NUP210L: variants seen among roughly 807,000 people sequenced by gnomAD.
NUP210L encodes nucleoporin 210 like, also known as nuclear pore membrane glycoprotein 210-like.
Under a neutral mutation model 208.5 loss-of-function variants are expected in NUP210L, and 74 were observed. That is an observed-to-expected ratio of 0.35 (90% CI 0.29 to 0.43). The LOEUF (loss-of-function observed/expected upper bound fraction) is 0.43, where lower values mean the gene tolerates loss of function less well. Ranked by LOEUF, NUP210L falls within the 20% of genes least tolerant of loss-of-function variation. NUP210L has a pLI of 1.00. For synonymous variants in NUP210L, 780 were observed against 816.9 expected (o/e 0.95, Z 0.77); for missense variants, 1,843 against 2,289.4 (o/e 0.81, Z 3.98).
rs370385865 is a variant in NUP210L, at chr1:154,000,907, T to G, written c.5335A>C (p.Ser1779Arg). Residue 1779 changes from serine to arginine, a missense_variant, in exon 37 of 40, where the codon AGT becomes CGT. Transcript: ENST00000368559. ...CTCACTACCACTGCCTCACTTTGAC[T>G]GGTGAGTACACAGGAAATATTGATG... 1.7e-5 allele frequency: 28 copies of G among 1,614,046 alleles called. No homozygotes were observed. The highest frequency in any genetic ancestry group is 5.0e-5 in the Admixed American group (3 of 59,970).
chr1:154,100,505 T>C (rs1164581544), intron 13 of NUP210L, among the ~76,000 whole-genome samples: 7 of 136,824 alleles, frequency 5.1e-5, no homozygotes, highest in Non-Finnish European at 9.1e-5. Flanking sequence ...AGCAGTTAGT[T>C]TTTGGCTTTG....
At chr1:154,135,625 G>A (rs1192031952) in intron 7 of NUP210L, among the ~76,000 whole-genome samples, 189 bp downstream of exon 7, 2 of 152,124 alleles carry the variant, frequency 1.3e-5, no homozygotes, top group Middle Eastern at 3.4e-3. Context: ...GTTTCACCGT[G>A]TTAGCCAGGA....
In NUP210L at chr1:153,995,141, C is replaced by G; in HGVS notation, c.5426G>C (p.Gly1809Ala). Residue 1809 changes from glycine to alanine, a missense_variant, in exon 38 of 40, where the codon GGC (glycine) becomes GCC (alanine). Around this residue, in one of 5 missense-constraint regions of NUP210L, gnomAD observed 108 missense variants for 91.1 expected, o/e 1.18. Transcript: ENST00000368559. ...GGTCAAGAGCAGGATCTGGTAAGAG[C>G]CAGTGAACCGCTTGAGGATGGCGGA... 2.5e-6 allele frequency: 4 copies of G among 1,613,944 alleles called. 1 individual carries two copies. The Middle Eastern group carries it at 6.6e-4, about 266-fold the overall frequency.
chr1:154,024,922 GTTTTTTTTTTTTTTT>G (rs71096508), intron 30 of NUP210L, among the ~76,000 whole-genome samples: 1 of 83,688 alleles, frequency 1.2e-5, no homozygotes, highest in African/African-American at 5.7e-5. Context: ...AGGCTGATCT[GTTTTTTTTTTTTTTT>G]TTTTTTTTTT....
chr1:154,144,590 A>G (rs1659028097), intron 2 of NUP210L, among the ~76,000 whole-genome samples: 1 of 152,130 alleles, frequency 6.6e-6, no homozygotes, highest in Admixed American at 6.5e-5. Context: ...ATTGTTTTGT[A>G]CCACTATATT....
chr1:154,023,839 A>G (rs1210737690), intron 30 of NUP210L, among the ~76,000 whole-genome samples: 1 of 149,592 alleles, frequency 6.7e-6, no homozygotes, highest in Non-Finnish European at 1.5e-5. Flanking sequence ...CCCAGGCTGG[A>G]GTGCAGTGGT....
At chr1:154,126,433 C>T (rs1657985236) in exon 10 of NUP210L, 1 of 1,612,658 alleles carries the variant, frequency 6.2e-7, no homozygotes, top group African/African-American at 1.3e-5. Context: ...TCAAAGTACT[C>T]CTTAGGAAAG....
At chr1:154,049,417 C>T (rs945268893) in intron 25 of NUP210L, among the ~76,000 whole-genome samples, 29 of 152,064 alleles carry the variant, frequency 1.9e-4, no homozygotes, top group Admixed American at 2.6e-4. Context: ...TTGAAGGAAC[C>T]GCTTCAAACA....
chr1:154,061,612 C>G (rs1267018893), exon 18 of NUP210L: 1 of 1,605,206 alleles, frequency 6.2e-7, no homozygotes, highest in East Asian at 2.2e-5. Context: ...TCTGAATAGC[C>G]CACAAAATTG....
chr1:154,082,710 C>A (rs1655404567), intron 16 of NUP210L, among the ~76,000 whole-genome samples: 1 of 152,312 alleles, frequency 6.6e-6, no homozygotes, highest in Middle Eastern at 3.4e-3. Context: ...CGGAACTGGT[C>A]AGAAACGGAG....
exon 15 of NUP210L, chr1:154,095,121 C>A (rs1185781612): frequency 5.0e-6 from 8 of 1,613,828 alleles, no homozygotes; most frequent in Non-Finnish European, 6.8e-6. Context: ...TCACAGACTG[C>A]CATGTCACCA....
At chr1:154,027,091 AAAAAACAAAAAAAAAAAAAC>A (rs1381854239) in intron 29 of NUP210L, among the ~76,000 whole-genome samples, 3 of 143,314 alleles carry the variant, frequency 2.1e-5, no homozygotes, top group African/African-American at 7.9e-5. Context: ...AAAAAAAAAA[AAAAAACAAAAAAAAAAAAAC>A]AAAAAACACA....
intron 2 of NUP210L, among the ~76,000 whole-genome samples, chr1:154,150,441 C>T (rs888990935): frequency 6.7e-6 from 1 of 149,130 alleles, no homozygotes; most frequent in African/African-American, 2.5e-5. Flanking sequence ...ATAATAAGCA[C>T]TTAAGGCTGG....
chr1:154,016,787 TACAAA>T lies in NUP210L; in HGVS notation c.4653+2141_4653+2145del, dbSNP rs147883535. 3.5e-3 allele frequency among the ~76,000 whole-genome samples: 524 copies of T among 151,472 alleles called. 3 individuals carry two copies. The highest frequency in any genetic ancestry group is 0.017 in the Middle Eastern group (5 of 294). On this transcript the variant is annotated intron_variant, in intron 33 of 39. Transcript: ENST00000368559. Reference sequence around the variant, plus strand: ...GGTGAAATGCCATCTCTATCAAAAATACAAAACAAAACAAAACAAAACAAAAAAAT... The same window carrying T: ...GGTGAAATGCCATCTCTATCAAAAATACAAAACAAAACAAAACAAAAAAAT...
intron 27 of NUP210L, among the ~76,000 whole-genome samples, chr1:154,036,856 G>T (rs1652586003): frequency 1.3e-5 from 2 of 151,710 alleles, no homozygotes; most frequent in South Asian, 4.2e-4. Flanking sequence ...TCTGCCTCTT[G>T]GGGTCAAGCC....
chr1:154,134,315 T>A (rs188659797), intron 7 of NUP210L, among the ~76,000 whole-genome samples: 84 of 151,732 alleles, frequency 5.5e-4, no homozygotes, highest in African/African-American at 1.8e-3. Context: ...TCAAAAAAAA[T>A]ACCAAATAAA....
At chr1:154,050,472 C>T (rs1403469252) in intron 25 of NUP210L, among the ~76,000 whole-genome samples, 1 of 152,232 alleles carries the variant, frequency 6.6e-6, no homozygotes, top group Non-Finnish European at 1.5e-5. Context: ...CATTCACCTA[C>T]TGGTGTTATT....
In NUP210L at chr1:154,045,669, G is replaced by A. The variant is rs957201648; in HGVS notation, c.3696+400C>T. ...TAAGTAATAATATTGTGTAGTTTAG[G>A]GAGTGAGTAATCAGTCTAAAACTTA... On this transcript the variant is annotated intron_variant, in intron 27 of 39. Coordinates refer to ENST00000368559, the Ensembl canonical transcript of NUP210L. Among the ~76,000 whole-genome samples the A allele has an allele frequency of 5.8e-4, 88 of 152,132 alleles. 2 individuals are homozygous for A. The highest frequency in any genetic ancestry group is 1.5e-5 in the Non-Finnish European group (1 of 68,032).
intron 2 of NUP210L, among the ~76,000 whole-genome samples, chr1:154,151,751 G>C (rs536392430): frequency 3.9e-4 from 59 of 152,044 alleles, no homozygotes; most frequent in African/African-American, 1.4e-3. Context: ...TCGTGCCATT[G>C]CACTACAACC....
Sources: gnomAD v4.1 joint callset for allele counts (sites outside exome capture counted in the v4.1 genomes callset) on GRCh38, gnomAD v4.1.1 for gene constraint, gnomAD v4.1.1 regional missense constraint, MANE v1.5 for transcripts, NCBI Gene and HGNC (gene_info 2026-07-23, HGNC 2026-07-21) for gene names.